LRP2: variants seen among roughly 807,000 people sequenced by gnomAD.
LRP2 encodes low-density lipoprotein receptor-related protein 2.
LRP2 carries 172 observed loss-of-function variants against 531.0 expected under a neutral mutation model. That is an observed-to-expected ratio of 0.32 (90% CI 0.29 to 0.37). The LOEUF (loss-of-function observed/expected upper bound fraction) is 0.37, where lower values mean the gene tolerates loss of function less well. LRP2 is among the 10% of genes least tolerant of loss of function. The probability of loss-of-function intolerance (pLI) is 1.00; values close to 1 mark genes in which losing one functional copy is unlikely to be tolerated. For missense variants in LRP2, 5,167 were observed against 5,868.3 expected (o/e 0.88, Z 3.90); for synonymous variants, 1,992 against 2,027.6 (o/e 0.98, Z 0.47).
intron 1 of LRP2, among the ~76,000 whole-genome samples, chr2:169,343,593 C>T (rs1685621633): frequency 6.6e-6 from 1 of 152,194 alleles, no homozygotes; most frequent in Admixed American, 6.5e-5. Context: ...AAATTACTAA[C>T]ACCCATTGTA....
intron 33 of LRP2, 42 bp from the exon 34 acceptor site, chr2:169,220,605 G>A (rs771405476): frequency 9.9e-6 from 13 of 1,319,608 alleles, no homozygotes; most frequent in Non-Finnish European, 2.2e-6. Flanking sequence ...TTTCATAAGG[G>A]GAACCAAAGG....
chr2:169,151,056 T>C, intron 67 of LRP2, 30 bp from the exon 68 acceptor site: 1 of 1,613,292 alleles, frequency 6.2e-7, no homozygotes, highest in South Asian at 1.1e-5. Flanking sequence ...GTTAAACAAC[T>C]GCAAAGCCTA....
At position 169,233,496 on chromosome 2, in the gene LRP2, C is replaced by A; in HGVS notation, c.5013G>T (p.Trp1671Cys). ...TTACAACTGACTGGTTCCCTCCATGCCACTTGTTGGCTCGCATAACCCGAC... is the reference window on the plus strand; with the variant it reads ...TTACAACTGACTGGTTCCCTCCATGACACTTGTTGGCTCGCATAACCCGAC... ...ATRRVMRANKWHGGNQSVVMY... is the reference protein window; with the variant it reads ...ATRRVMRANKCHGGNQSVVMY... Residue 1671 changes from tryptophan to cysteine, a missense_variant, in exon 30 of 79, where the codon TGG becomes TGT. By Grantham distance (215) the Trp-to-Cys change is radical. Transcript: ENST00000649046. The A allele has an allele frequency of 1.9e-6, 3 of 1,614,140 alleles. No individual in the cohort carries two copies. Among genetic ancestry groups the A allele is most frequent in the Non-Finnish European group, 2.5e-6 (3 of 1,180,020 alleles).
chr2:169,273,977 AAGTTTATAC>A (rs1683487638), intron 14 of LRP2, among the ~76,000 whole-genome samples: 1 of 152,174 alleles, frequency 6.6e-6, no homozygotes, highest in South Asian at 2.1e-4. Context: ...ATTTTTAGAC[AAGTTTATAC>A]TTTCCCAGGA....
chr2:169,139,665 C>T, intron 72 of LRP2, 55 bp from the exon 73 acceptor site: 1 of 1,486,952 alleles, frequency 6.7e-7, no homozygotes, highest in Non-Finnish European at 9.4e-7. Flanking sequence ...GCTTCTACTG[C>T]ATTTTTCTGA....
At position 169,156,519 on chromosome 2, in the gene LRP2, G is replaced by A. The variant is rs548229287; in HGVS notation, c.12020-114C>T. ...AATGAGGACCGAGAAGGGTACAGAT[G>A]AAAATAAGCAATGATACAAACATTT... On this transcript the variant is annotated intron_variant, in intron 64 of 78. Transcript: ENST00000649046. 3.3e-4 allele frequency: 370 copies of A among 1,130,152 alleles called. 2 individuals are homozygous for A. The highest frequency in any genetic ancestry group is 2.4e-3 in the South Asian group (190 of 80,548). 70.0% of individuals were successfully genotyped at this position (1,130,152 alleles called of 1,614,324 possible). A position where few individuals can be genotyped will look rare whatever the true frequency, so the allele number is the denominator to read the frequency against.
chr2:169,271,856 G>A (rs1284423397), intron 15 of LRP2: 1 of 171,986 alleles, frequency 5.8e-6, no homozygotes, highest in African/African-American at 2.4e-5. Flanking sequence ...GAAGGAAGGG[G>A]AGGGATAAAG....
At chr2:169,356,902 A>T (rs914768931) in intron 1 of LRP2, among the ~76,000 whole-genome samples, 3 of 152,210 alleles carry the variant, frequency 2.0e-5, no homozygotes, top group Non-Finnish European at 4.4e-5. Flanking sequence ...GTCCATTTTA[A>T]TTGCGAGATA....
At chr2:169,326,891 G>C (rs1685080725) in intron 1 of LRP2, among the ~76,000 whole-genome samples, 1 of 150,892 alleles carries the variant, frequency 6.6e-6, no homozygotes, top group African/African-American at 2.4e-5. Context: ...TGTGAGGAGT[G>C]CCTCTGCCCG....
chr2:169,263,432 A>G (rs546224312), intron 16 of LRP2, among the ~76,000 whole-genome samples: 8 of 151,642 alleles, frequency 5.3e-5, no homozygotes, highest in African/African-American at 1.2e-4. Flanking sequence ...AAAAGTGGGC[A>G]AAGGATATGA....
chr2:169,146,601 T>C, intron 69 of LRP2, 138 bp downstream of exon 69: 1 of 642,628 alleles, frequency 1.6e-6, no homozygotes, highest in Non-Finnish European at 2.7e-6. Flanking sequence ...TGGGAGTTGG[T>C]GGGGGTGGAG....
At chr2:169,195,659 A>G (rs1479793386) in intron 46 of LRP2, among the ~76,000 whole-genome samples, 3 of 152,182 alleles carry the variant, frequency 2.0e-5, no homozygotes, top group Admixed American at 2.0e-4. Flanking sequence ...TTATTCATAT[A>G]TTTGAACCAA....
intron 13 of LRP2, among the ~76,000 whole-genome samples, chr2:169,275,908 C>T (rs1683540057): frequency 6.6e-6 from 1 of 151,882 alleles, no homozygotes; most frequent in Admixed American, 6.6e-5. Context: ...ATCAACAACG[C>T]CCCCCGTGAC....
At chr2:169,309,903 G>T (rs1276633430) in intron 3 of LRP2, among the ~76,000 whole-genome samples, 1 of 152,056 alleles carries the variant, frequency 6.6e-6, no homozygotes, top group Admixed American at 6.6e-5. Flanking sequence ...ATTTCACTGA[G>T]AATGGTTTGT....
At chr2:169,255,383 C>T (rs891858708) in intron 19 of LRP2, among the ~76,000 whole-genome samples, 1 of 152,172 alleles carries the variant, frequency 6.6e-6, no homozygotes, top group Admixed American at 6.5e-5. Flanking sequence ...AGAAACTCAA[C>T]TCACAGCAGC....
Position 169,170,604 on chromosome 2 carries a change from C to A in LRP2, c.11327G>T (p.Trp3776Leu), listed in dbSNP as rs1375933335. 6.2e-7 allele frequency: 1 copy of A among 1,614,190 alleles called. No homozygotes were observed. Among genetic ancestry groups the A allele is most frequent in the East Asian group, 2.2e-5 (1 of 44,888 alleles). Reference protein sequence around the residue: ...CVNQQCIPSRWICDHYNDCGD... With the variant: ...CVNQQCIPSRLICDHYNDCGD... The stretch of plus-strand genomic sequence containing the variant: ...ACAGTCGTTGTAATGGTCACAGATC[C>A]ATCGCGAGGGAATGCACTGCTGATT... The change falls in exon 59 of 79, where the codon TGG becomes TTG. Residue 3776 changes from tryptophan to leucine, a missense_variant. Physicochemically the swap from Trp to Leu is moderately conservative, Grantham distance 61. Transcript: ENST00000649046.
chr2:169,292,153 G>T, intron 7 of LRP2, 100 bp downstream of exon 7: 8 of 944,344 alleles, frequency 8.5e-6, no homozygotes, highest in Non-Finnish European at 1.4e-5. Context: ...CCTGAGGCTT[G>T]CTTGTCACAC....
At chr2:169,259,365 A>T (rs1690447753) in intron 16 of LRP2, 148 bp from the exon 17 acceptor site, 2 of 526,198 alleles carry the variant, frequency 3.8e-6, no homozygotes, top group African/African-American at 2.2e-5. Context: ...AAAAAAAAAA[A>T]ACTCTGTAAG....
In LRP2 at chr2:169,226,432, A is replaced by C. The variant is rs764432018; in HGVS notation, c.5384T>G (p.Val1795Gly). Residue 1795 changes from valine (V) to glycine (G), a missense_variant, in exon 32 of 79, where the codon GTT becomes GGT. Val to Gly is a moderately radical substitution (Grantham distance 109). Coordinates refer to ENST00000649046, the MANE Select transcript of LRP2 (RefSeq NM_004525.3). ...TTATTCAAAACTTACTGGATTTTCA[A>C]CCCAATAGATGTATTGCTCAGCATC... is the stretch of plus-strand genomic sequence containing the variant. ...FDDAEQYIYWVENPGEIHRVK... is the reference protein window; with the variant it reads ...FDDAEQYIYWGENPGEIHRVK... 1 of 1,613,272 alleles carries C rather than the reference A, an allele frequency of 6.2e-7. No individual in the cohort carries two copies. The highest frequency in any genetic ancestry group is 1.7e-5 in the Admixed American group (1 of 60,018).
Sources: allele counts gnomAD v4.1 joint callset (sites outside exome capture counted in the v4.1 genomes callset), GRCh38; gene constraint gnomAD v4.1.1; transcripts MANE v1.5; gene names NCBI Gene and HGNC (gene_info 2026-07-23, HGNC 2026-07-21).